The following SRFBP1 variants were observed in gnomAD, a reference collection of about 807,000 sequenced individuals.
The protein encoded by SRFBP1 is serum response factor binding protein 1.
SRFBP1 carries 47 observed loss-of-function variants against 45.5 expected under a neutral mutation model. That is an observed-to-expected ratio of 1.03 (90% CI 0.82 to 1.32). The LOEUF (loss-of-function observed/expected upper bound fraction) is 1.32, where lower values mean the gene tolerates loss of function less well. SRFBP1 is among the 40% of genes most tolerant of loss of function. The pLI, the probability that SRFBP1 is intolerant of heterozygous loss-of-function variation, is 0.00. For synonymous variants in SRFBP1, 203 were observed against 166.3 expected (o/e 1.22, Z -1.70); for missense variants, 621 against 484.6 (o/e 1.28, Z -2.64).
chr5:122,050,301 ATAGTT>A (rs1753947679), intron 2 of SRFBP1, among the ~76,000 whole-genome samples: 1 of 152,124 alleles, frequency 6.6e-6, no homozygotes. Context: ...GTTTTTTGGA[ATAGTT>A]TCAGCAGGAA....
chr5:121,985,607 T>C (rs1026320598), intron 3 of SRFBP1, among the ~76,000 whole-genome samples: 6 of 151,918 alleles, frequency 3.9e-5, no homozygotes, highest in African/African-American at 7.2e-5. Context: ...ATGTCTGGTT[T>C]ATGTTATATC....
chr5:122,038,699 G>T (rs1280111785), intron 2 of SRFBP1, among the ~76,000 whole-genome samples: 2 of 152,168 alleles, frequency 1.3e-5, no homozygotes, highest in East Asian at 3.9e-4. Context: ...AGGCAGGCTT[G>T]AAAACTTTAT....
rs866823292 is a variant in SRFBP1, at chr5:122,001,593, C to T, written c.270+6923C>T. On this transcript the variant is annotated intron_variant, in intron 4 of 7. Transcript: ENST00000339397. The stretch of plus-strand genomic sequence containing the variant: ...TTTTTGAGACGGAGTCTCGCTCTGT[C>T]GCCCAGGCCGGACTGCGGATTGCAG... Among the ~76,000 whole-genome samples, 915 of 125,028 alleles carry T rather than the reference C, an allele frequency of 7.3e-3. 17 individuals carry two copies. Among genetic ancestry groups the T allele is most frequent in the African/African-American group, 0.027 (872 of 32,120 alleles). 82.0% of individuals were successfully genotyped at this position (125,028 alleles called of 152,430 possible).
chr5:122,030,887 A>G (rs1414937424), downstream of SRFBP1, among the ~76,000 whole-genome samples: 1 of 152,210 alleles, frequency 6.6e-6, no homozygotes, highest in Admixed American at 6.5e-5. Flanking sequence ...AACAACTAAA[A>G]GATAGGGACT....
In SRFBP1 at chr5:122,020,243, G is replaced by C; in HGVS notation, c.508G>C (p.Val170Leu). The change falls in exon 6 of 8, where the codon GTC (valine) becomes CTC (leucine). Residue 170 changes from valine to leucine, a missense_variant. Val to Leu is a conservative substitution (Grantham distance 32, BLOSUM62 1). Coordinates refer to ENST00000339397, the MANE Select transcript of SRFBP1 (RefSeq NM_152546.3). ...REATVISEQK[V>L]KETKILAKKP... The stretch of plus-strand genomic sequence containing the variant: ...AGCAACTGTCATCAGTGAGCAAAAA[G>C]TCAAAGAAACCAAAATATTGGCGAA... The C allele has an allele frequency of 1.2e-6, 2 of 1,612,766 alleles. No homozygotes were observed. The highest frequency in any genetic ancestry group is 1.1e-5 in the South Asian group (1 of 90,650).
rs879776979 is a variant in SRFBP1 at position 121,989,036 on chromosome 5, G to GA, written c.199-5554dup. On this transcript the variant is annotated intron_variant, in intron 3 of 7. Transcript: ENST00000339397. ...AAATTCAAGAGAACTACATTTATCT[G>GA]AAAAAAAAAGATATTGGAATTTGTT... is the stretch of plus-strand genomic sequence containing the variant. Among the ~76,000 whole-genome samples, 552 of 149,592 alleles carry GA rather than the reference G, an allele frequency of 3.7e-3. 3 individuals carry two copies. Among genetic ancestry groups the GA allele is most frequent in the Non-Finnish European group, 5.0e-3 (337 of 67,508 alleles).
chr5:122,015,342 A>G (rs74719075), intron 4 of SRFBP1, among the ~76,000 whole-genome samples: 5,835 of 152,334 alleles, frequency 0.038, 326 homozygotes, highest in African/African-American at 0.12. Context: ...ATTTGGCAAC[A>G]GAAGTCTGTC....
intron 3 of SRFBP1, among the ~76,000 whole-genome samples, chr5:121,980,876 T>G (rs1013649945): frequency 6.6e-6 from 1 of 152,164 alleles, no homozygotes; most frequent in Non-Finnish European, 1.5e-5. Flanking sequence ...CTCTCCCTTC[T>G]GGGCTTACCC....
At chr5:122,052,418 A>C (rs146535223) in intron 2 of SRFBP1, among the ~76,000 whole-genome samples, 1 of 151,904 alleles carries the variant, frequency 6.6e-6, no homozygotes, top group African/African-American at 2.4e-5. Context: ...ACAAAATCCT[A>C]TATTTCTTGG....
chr5:122,037,048 A>G (rs1753704619), intron 2 of SRFBP1, among the ~76,000 whole-genome samples: 1 of 151,934 alleles, frequency 6.6e-6, no homozygotes, highest in Admixed American at 6.6e-5. Flanking sequence ...ACAGGCATGC[A>G]CCACCATGCC....
At chr5:122,049,065 T>C (rs891873673) in intron 2 of SRFBP1, among the ~76,000 whole-genome samples, 2 of 152,174 alleles carry the variant, frequency 1.3e-5, no homozygotes, top group East Asian at 1.9e-4. Flanking sequence ...GCTCTGATCT[T>C]AGTTATTTCT....
chr5:122,013,475 A>T (rs1023838261), intron 4 of SRFBP1, among the ~76,000 whole-genome samples: 3 of 152,136 alleles, frequency 2.0e-5, no homozygotes, highest in Non-Finnish European at 4.4e-5. Flanking sequence ...TGAAAATTTT[A>T]AATTTCTCAC....
chr5:121,973,984 G>T (rs1371973971), intron 1 of SRFBP1, among the ~76,000 whole-genome samples: 1 of 151,656 alleles, frequency 6.6e-6, no homozygotes, highest in Non-Finnish European at 1.5e-5. Context: ...ATTATAACTT[G>T]TTTTTCTTAA....
At chr5:121,972,357 T>C (rs1467769297) in intron 1 of SRFBP1, among the ~76,000 whole-genome samples, 5 of 151,858 alleles carry the variant, frequency 3.3e-5, no homozygotes, top group Non-Finnish European at 7.4e-5. Flanking sequence ...TCCACACGAT[T>C]GAAAGAGAGA....
At chr5:122,051,330 A>G (rs1412730238) in intron 2 of SRFBP1, among the ~76,000 whole-genome samples, 2 of 151,962 alleles carry the variant, frequency 1.3e-5, no homozygotes, top group Non-Finnish European at 2.9e-5. Context: ...TGCCTCAATA[A>G]TCTGTCTAAT....
chr5:122,067,746 T>C (rs1380530908), intron 2 of SRFBP1, among the ~76,000 whole-genome samples: 2 of 152,138 alleles, frequency 1.3e-5, no homozygotes, highest in Admixed American at 6.5e-5. Flanking sequence ...GACTTGTTTT[T>C]CCAAACATGC....
At chr5:122,003,914 G>GCTAGTGAGTTTCTATGTTTGTTT (rs1312566431) in intron 4 of SRFBP1, among the ~76,000 whole-genome samples, 1 of 152,062 alleles carries the variant, frequency 6.6e-6, no homozygotes, top group Non-Finnish European at 1.5e-5. Flanking sequence ...TTGTTTACTT[G>GCTAGTGAGTTTCTATGTTTGTTT]CTAGTGAGTT....
intron 3 of SRFBP1, among the ~76,000 whole-genome samples, chr5:121,986,303 TAGC>T (rs1413284132): frequency 6.6e-6 from 1 of 152,044 alleles, no homozygotes; most frequent in Non-Finnish European, 1.5e-5. Flanking sequence ...TCATTAGATT[TAGC>T]AGCGTGGAGA....
chr5:122,011,140 C>T (rs1753084417), intron 4 of SRFBP1, among the ~76,000 whole-genome samples: 1 of 152,122 alleles, frequency 6.6e-6, no homozygotes, highest in Non-Finnish European at 1.5e-5. Flanking sequence ...ATTCTACCTC[C>T]ACCAGTTTAT....
Sources: gnomAD v4.1 joint callset for allele counts (sites outside exome capture counted in the v4.1 genomes callset) on GRCh38, gnomAD v4.1.1 for gene constraint, MANE v1.5 for transcripts, NCBI Gene and HGNC (gene_info 2026-07-23, HGNC 2026-07-21) for gene names.